Variants in MAPK10 observed in about 807,000 individuals in gnomAD.
MAPK10 encodes the protein mitogen-activated protein kinase 10, also known as JNK3 alpha protein kinase.
A neutral mutation model predicts 59.3 loss-of-function variants in MAPK10; 25 were observed. The observed-to-expected ratio is 0.42, with a 90% CI of 0.31 to 0.59. MAPK10 has a LOEUF of 0.59. MAPK10 is among the 20% of genes least tolerant of loss of function. MAPK10 has a pLI of 0.15. For missense variants in MAPK10, 351 were observed against 568.9 expected (o/e 0.62, Z 3.90); for synonymous variants, 190 against 200.5 (o/e 0.95, Z 0.44).
intron 1 of MAPK10, among the ~76,000 whole-genome samples, chr4:86,411,070 A>C (rs1312883007): frequency 6.6e-6 from 1 of 152,208 alleles, no homozygotes; most frequent in Non-Finnish European, 1.5e-5. Flanking sequence ...ACACTGCTTT[A>C]AATGTGTCCC....
chr4:86,319,254 G>A (rs1309846908), intron 2 of MAPK10, among the ~76,000 whole-genome samples: 1 of 152,046 alleles, frequency 6.6e-6, no homozygotes, highest in Non-Finnish European at 1.5e-5. Context: ...ACTGAGAAGG[G>A]TAAAGGGAGA....
intron 1 of MAPK10, among the ~76,000 whole-genome samples, chr4:86,433,061 C>T (rs1265154805): frequency 1.3e-5 from 2 of 152,078 alleles, no homozygotes; most frequent in African/African-American, 4.8e-5. Context: ...TCCCACTAAC[C>T]CTCCTCTTGT....
chr4:86,215,841 G>A (rs146634297), intron 2 of MAPK10, among the ~76,000 whole-genome samples: 13 of 152,126 alleles, frequency 8.5e-5, no homozygotes, highest in Non-Finnish European at 1.0e-4. Context: ...CAGCCTGGGC[G>A]ACAGATTGAG....
Position 86,410,480 on chromosome 4 carries a change from C to A in MAPK10, c.-122+42550G>T, listed in dbSNP as rs181323277. ...TGGAATAGTTTCAGAAAGAATGGTA[C>A]CAGCTCCTTTTTGTACCTCTGGTAG... On this transcript the variant is annotated intron_variant, in intron 1 of 13. Transcript: ENST00000361569. Among the ~76,000 whole-genome samples, 1,419 of 152,266 alleles carry A rather than the reference C, an allele frequency of 9.3e-3. 6 individuals are homozygous for A. Among genetic ancestry groups the A allele is most frequent in the Non-Finnish European group, 0.015 (1,007 of 68,018 alleles).
chr4:86,446,967 A>G (rs1380116169), intron 1 of MAPK10, among the ~76,000 whole-genome samples: 2 of 152,110 alleles, frequency 1.3e-5, no homozygotes, highest in Non-Finnish European at 2.9e-5. Flanking sequence ...TGTGTTACGA[A>G]TACCTTCTCT....
chr4:86,118,783 T>A (rs1038999256), intron 4 of MAPK10, among the ~76,000 whole-genome samples: 1 of 152,248 alleles, frequency 6.6e-6, no homozygotes, highest in African/African-American at 2.4e-5. Context: ...TGTAATCATA[T>A]TAAATATTTG....
rs114214139 is a variant in MAPK10, at chr4:86,240,120, C to T, written c.-6-45713G>A. Reference sequence around the variant, plus strand: ...TTTATTATTTATCCAGGAGTCATTCCGGAGCAGGTTGTTAAATTTCCATGA... The same window carrying T: ...TTTATTATTTATCCAGGAGTCATTCTGGAGCAGGTTGTTAAATTTCCATGA... On this transcript the variant is annotated intron_variant, in intron 2 of 13. Transcript: ENST00000641462. Among the ~76,000 whole-genome samples, 490 of 152,172 alleles carry T rather than the reference C, an allele frequency of 3.2e-3. 2 individuals are homozygous for T. The highest frequency in any genetic ancestry group is 0.011 in the African/African-American group (472 of 41,532).
chr4:86,272,437 T>C (rs1166163790), intron 2 of MAPK10, among the ~76,000 whole-genome samples: 1 of 152,092 alleles, frequency 6.6e-6, no homozygotes, highest in African/African-American at 2.4e-5. Flanking sequence ...CTAAATGTTT[T>C]ATGATTTTAG....
intron 1 of MAPK10, among the ~76,000 whole-genome samples, chr4:86,407,130 T>C (rs1044594358): frequency 1.3e-5 from 2 of 152,186 alleles, no homozygotes; most frequent in African/African-American, 4.8e-5. Context: ...GCTTAAGTTA[T>C]TGCTAAAAGG....
At chr4:86,358,994 C>T (rs1050549468) in intron 1 of MAPK10, 1 of 152,050 alleles carries the variant, frequency 6.6e-6, no homozygotes, top group Non-Finnish European at 1.5e-5. Context: ...TAACCTGACC[C>T]CTGTTCTGTG....
upstream of MAPK10, among the ~76,000 whole-genome samples, chr4:86,457,393 T>A (rs1751330232): frequency 6.6e-6 from 1 of 152,124 alleles, no homozygotes; most frequent in Non-Finnish European, 1.5e-5. Context: ...GATGTGATTG[T>A]TTACCTAGAA....
At chr4:86,588,932 A>G (rs921430021) in intron 1 of MAPK10, among the ~76,000 whole-genome samples, 1 of 152,216 alleles carries the variant, frequency 6.6e-6, no homozygotes, top group Non-Finnish European at 1.5e-5. Flanking sequence ...TAAACAGAAA[A>G]GAGCTTAAGG....
chr4:86,550,060 T>A (rs760509965), intron 1 of MAPK10, among the ~76,000 whole-genome samples: 5 of 152,126 alleles, frequency 3.3e-5, no homozygotes, highest in Non-Finnish European at 5.9e-5. Context: ...AGATTTACCA[T>A]CTGCTTCAAA....
chr4:86,412,916 G>A (rs530530075), intron 1 of MAPK10, among the ~76,000 whole-genome samples: 1 of 152,284 alleles, frequency 6.6e-6, no homozygotes, highest in East Asian at 1.9e-4. Context: ...ACTCATCAAA[G>A]TTATTCTCCG....
intron 2 of MAPK10, among the ~76,000 whole-genome samples, chr4:86,196,519 T>C (rs2081336964): frequency 1.3e-5 from 2 of 152,332 alleles, no homozygotes; most frequent in East Asian, 3.9e-4. Context: ...AGGTTGCCTG[T>C]TCACTCTGAT....
intron 2 of MAPK10, among the ~76,000 whole-genome samples, chr4:86,294,126 G>A (rs543035935): frequency 1.3e-5 from 2 of 152,312 alleles, no homozygotes; most frequent in African/African-American, 4.8e-5. Flanking sequence ...TAGCTCCGAG[G>A]TGTGCTGTAT....
At chr4:86,262,832 T>C (rs62305541) in intron 2 of MAPK10, among the ~76,000 whole-genome samples, 5,874 of 152,222 alleles carry the variant, frequency 0.039, 160 homozygotes, top group Non-Finnish European at 0.058. Context: ...GCTGGCTAAC[T>C]TCCACTTGCA....
intron 6 of MAPK10, 120 bp from the exon 7 acceptor site, chr4:86,102,152 T>G: frequency 1.2e-6 from 1 of 867,994 alleles, no homozygotes; most frequent in Non-Finnish European, 1.9e-6. Flanking sequence ...TGCCTTTGAC[T>G]TAATCAAGAC....
intron 1 of MAPK10, among the ~76,000 whole-genome samples, chr4:86,395,973 C>T (rs553960759): frequency 6.6e-6 from 1 of 152,308 alleles, no homozygotes; most frequent in South Asian, 2.1e-4. Context: ...CACAAGCATT[C>T]GGTTTGTACC....
Sources: gnomAD v4.1 joint callset for allele counts (sites outside exome capture counted in the v4.1 genomes callset) on GRCh38, gnomAD v4.1.1 for gene constraint, MANE v1.5 for transcripts, NCBI Gene and HGNC (gene_info 2026-07-23, HGNC 2026-07-21) for gene names.